Variants in CELF2 observed in about 807,000 individuals in gnomAD.
CELF2 encodes CUGBP Elav-like family member 2.
CELF2 carries 8 observed loss-of-function variants against 62.6 expected under a neutral mutation model. The ratio of observed to expected loss-of-function variants is 0.13; its 90% CI spans 0.07 to 0.23. The LOEUF (loss-of-function observed/expected upper bound fraction) is 0.23. Among genes scored for constraint, CELF2 ranks in the 10% least tolerant of loss-of-function variants. The pLI is 1.00. For synonymous variants in CELF2, 258 were observed against 250.0 expected (o/e 1.03, Z -0.30); for missense variants, 333 against 671.0 (o/e 0.50, Z 5.56).
At chr10:10,727,251 G>GGAA in the CELF2 span, among the ~76,000 whole-genome samples, 1 of 152,160 alleles carries the variant, frequency 6.6e-6, no homozygotes, top group Non-Finnish European at 1.5e-5. Flanking sequence ...TCCCTTTCAG[G>GGAA]GAAAAATAAG....
intron 1 of CELF2, among the ~76,000 whole-genome samples, chr10:11,133,783 G>A (rs766990179): frequency 6.6e-6 from 1 of 152,164 alleles, no homozygotes; most frequent in South Asian, 2.1e-4. Context: ...TGCTGACCCA[G>A]ACTCTCTTCC....
the CELF2 span, among the ~76,000 whole-genome samples, chr10:10,691,250 T>C: frequency 7.3e-5 from 11 of 151,698 alleles, no homozygotes; most frequent in Admixed American, 4.6e-4. Flanking sequence ...AGTGAGAATA[T>C]GCGCTGTTTG....
rs149736229 is a variant in CELF2 at position 11,030,067 on chromosome 10, T to C, written c.74+11904T>C. Among the ~76,000 whole-genome samples the C allele has an allele frequency of 8.1e-4, 123 of 152,326 alleles. 2 individuals are homozygous for C. Among genetic ancestry groups the C allele is most frequent in the Non-Finnish European group, 1.5e-3 (104 of 68,034 alleles). ...TGCAGACCCCAGAAGCCAGAAAACA[T>C]TTTCCAGTGTCAACCAAACTAATTC... On this transcript the variant is annotated intron_variant, in intron 1 of 12. Transcript: ENST00000633077.
At chr10:10,976,844 C>A (rs2051399322) in intron 2 of CELF2, among the ~76,000 whole-genome samples, 1 of 152,120 alleles carries the variant, frequency 6.6e-6, no homozygotes, top group Non-Finnish European at 1.5e-5. Flanking sequence ...TCACTTGCAC[C>A]ACTGGGCATC....
At chr10:11,151,544 T>G (rs2063332252) in intron 1 of CELF2, among the ~76,000 whole-genome samples, 1 of 152,194 alleles carries the variant, frequency 6.6e-6, no homozygotes, top group Non-Finnish European at 1.5e-5. Flanking sequence ...ATCACCTTAT[T>G]CCTGGAGATG....
At chr10:10,770,524 A>G in the CELF2 span, among the ~76,000 whole-genome samples, 6 of 152,104 alleles carry the variant, frequency 3.9e-5, no homozygotes, top group African/African-American at 1.4e-4. Flanking sequence ...AGCTAGGAGT[A>G]TGAGACTGAA....
At chr10:10,480,397 G>A in the CELF2 span, among the ~76,000 whole-genome samples, 18 of 152,066 alleles carry the variant, frequency 1.2e-4, no homozygotes, top group African/African-American at 4.3e-4. Context: ...TTCTCTGCAC[G>A]CAGCTACCCA....
intron 1 of CELF2, among the ~76,000 whole-genome samples, chr10:11,037,745 C>T (rs1379985837): frequency 6.6e-6 from 1 of 152,128 alleles, no homozygotes; most frequent in East Asian, 1.9e-4. Context: ...CTAGCTTGGG[C>T]TGTTGAGTTT....
the CELF2 span, among the ~76,000 whole-genome samples, chr10:10,781,689 C>G: frequency 6.6e-6 from 1 of 152,136 alleles, no homozygotes; most frequent in Non-Finnish European, 1.5e-5. Context: ...GGGACACAAC[C>G]AAATCACATC....
chr10:10,558,895 A>G, the CELF2 span, among the ~76,000 whole-genome samples: 1 of 152,146 alleles, frequency 6.6e-6, no homozygotes, highest in Non-Finnish European at 1.5e-5. Context: ...TATTAAATGC[A>G]GCTAGTCCGA....
the CELF2 span, among the ~76,000 whole-genome samples, chr10:10,718,795 T>TA: frequency 6.6e-6 from 1 of 152,146 alleles, no homozygotes; most frequent in Non-Finnish European, 1.5e-5. Flanking sequence ...CTATAAATGG[T>TA]AAGTGAACTT....
rs993956552 is a variant in CELF2 at position 10,901,987 on chromosome 10, A to G, written c.54-17977A>G. On this transcript the variant is annotated intron_variant, in intron 1 of 13. Transcript: ENST00000636488. Reference sequence around the variant, plus strand: ...ATAAGCACACAGAAAGATTCTCAACATCATTAGTTATTAGTAAAATGCAGA... The same window carrying G: ...ATAAGCACACAGAAAGATTCTCAACGTCATTAGTTATTAGTAAAATGCAGA... Among the ~76,000 whole-genome samples, 4 of 152,222 alleles carry G rather than the reference A, an allele frequency of 2.6e-5. No homozygotes were observed. In the East Asian group the frequency reaches 5.8e-4, roughly 22 times the overall value.
At chr10:10,612,924 C>G in the CELF2 span, among the ~76,000 whole-genome samples, 14 of 152,294 alleles carry the variant, frequency 9.2e-5, no homozygotes, top group African/African-American at 3.1e-4. Flanking sequence ...AGAGTCTTAG[C>G]TGGACATTTC....
Position 11,046,945 on chromosome 10 carries a change from G to A in CELF2, c.74+28782G>A, listed in dbSNP as rs1167805929. Among the ~76,000 whole-genome samples, 6 of 152,014 alleles carry A rather than the reference G, an allele frequency of 3.9e-5. No homozygotes were observed. In the East Asian group the frequency reaches 1.2e-3, roughly 29 times the overall value. On this transcript the variant is annotated intron_variant, in intron 1 of 12. Coordinates refer to ENST00000633077, the MANE Select transcript of CELF2 (RefSeq NM_001326342.2). The surrounding 1 kb of genome is among the most constrained non-coding windows in gnomAD (Gnocchi z 4.6). ...TGGGCTTGTAGAGGAAGGATTGTTC[G>A]GAATTATTATATTGTCAGACCCATT... is the stretch of plus-strand genomic sequence containing the variant.
the CELF2 span, among the ~76,000 whole-genome samples, chr10:10,583,672 CT>C: frequency 6.6e-6 from 1 of 152,156 alleles, no homozygotes; most frequent in Non-Finnish European, 1.5e-5. Context: ...TCCAAAAGCC[CT>C]TTCCTTCTGT....
At chr10:11,253,024 A>G (rs935560701) in intron 4 of CELF2, among the ~76,000 whole-genome samples, 3 of 152,126 alleles carry the variant, frequency 2.0e-5, no homozygotes, top group Admixed American at 6.5e-5. Flanking sequence ...GCTGTGCCCA[A>G]CGAGGTACCA....
chr10:10,867,882 G>A (rs1282582061), intron 1 of CELF2, among the ~76,000 whole-genome samples: 2 of 152,314 alleles, frequency 1.3e-5, no homozygotes, highest in South Asian at 2.1e-4. Flanking sequence ...TTCTGTCTTC[G>A]TTTCCACATA....
Position 11,110,423 on chromosome 10 carries a change from C to T in CELF2, c.75-55063C>T, listed in dbSNP as rs758182284. 2.6e-5 allele frequency among the ~76,000 whole-genome samples: 4 copies of T among 152,162 alleles called. No individual in the cohort carries two copies. The highest frequency in any genetic ancestry group is 1.9e-4 in the East Asian group (1 of 5,202). On this transcript the variant is annotated intron_variant, in intron 1 of 12. Coordinates refer to ENST00000633077, the MANE Select transcript of CELF2 (RefSeq NM_001326342.2). This position sits in a 1 kb window ranked among gnomAD's most constrained non-coding sequence, Gnocchi z 4.0. ...GATGAAGTTTTAGGAAGCCATCTAACGCTTAGTACTTCTTTTCCCATCTCC... is the reference window on the plus strand; with the variant it reads ...GATGAAGTTTTAGGAAGCCATCTAATGCTTAGTACTTCTTTTCCCATCTCC...
chr10:10,893,131 A>AG (rs1421825464), intron 1 of CELF2, among the ~76,000 whole-genome samples: 1 of 152,226 alleles, frequency 6.6e-6, no homozygotes, highest in East Asian at 1.9e-4. Flanking sequence ...AAAATACAGC[A>AG]GCAAATTAAT....
Sources: gnomAD v4.1 joint callset for allele counts (sites outside exome capture counted in the v4.1 genomes callset) on GRCh38, gnomAD v4.1.1 for gene constraint, Gnocchi (gnomAD v3.1) non-coding constraint, MANE v1.5 for transcripts, NCBI Gene and HGNC (gene_info 2026-07-23, HGNC 2026-07-21) for gene names.